The following SPAG16 variants were observed in gnomAD, a reference collection of about 807,000 sequenced individuals.
The protein encoded by SPAG16 is sperm associated antigen 16, also known as sperm-associated antigen 16 protein.
Under a neutral mutation model 80.4 loss-of-function variants are expected in SPAG16, and 86 were observed. The ratio of observed to expected loss-of-function variants is 1.07; its 90% confidence interval spans 0.90 to 1.28. SPAG16 has a LOEUF of 1.28. Ranked by LOEUF, SPAG16 falls within the 50% of genes most tolerant of loss-of-function variation. SPAG16 has a pLI of 0.00. For synonymous variants in SPAG16, 294 were observed against 265.9 expected, an observed-to-expected ratio of 1.11 and a Z score of -1.03; for missense variants, 870 against 765.3, an observed-to-expected ratio of 1.14 and a Z score of -1.61.
chr2:213,993,855 A>G (rs1018214353), intron 12 of SPAG16, among the ~76,000 whole-genome samples: 7 of 152,210 alleles, frequency 4.6e-5, no homozygotes, highest in African/African-American at 1.7e-4. Context: ...GGACATATTT[A>G]TCACCCCATA....
At chr2:213,566,105 T>C (rs952583014) in intron 10 of SPAG16, among the ~76,000 whole-genome samples, 2 of 152,094 alleles carry the variant, frequency 1.3e-5, no homozygotes, top group African/African-American at 4.8e-5. Flanking sequence ...CAAAAATTGA[T>C]AATGATAAAC....
chr2:214,384,765 A>G (rs1700652273), intron 15 of SPAG16, among the ~76,000 whole-genome samples: 1 of 152,230 alleles, frequency 6.6e-6, no homozygotes, highest in Non-Finnish European at 1.5e-5. Flanking sequence ...TCCAAAGCAT[A>G]TGGCTGCTGC....
chr2:214,226,576 G>C (rs761582401), intron 15 of SPAG16, among the ~76,000 whole-genome samples: 5 of 152,000 alleles, frequency 3.3e-5, no homozygotes, highest in Admixed American at 6.6e-5. Context: ...TCCAAATTCT[G>C]ACCTTTTGTT....
rs1912168 is a variant in SPAG16, at chr2:214,208,663, T to C, written c.1720+59397T>C. Among the ~76,000 whole-genome samples the C allele has an allele frequency of 6.5e-3, 980 of 150,234 alleles. 9 individuals are homozygous for C. Among genetic ancestry groups the C allele is most frequent in the Non-Finnish European group, 0.011 (753 of 67,392 alleles). ...AACCCATTTATGCCTGAGGTTGCAA[T>C]TTTTTTTTTAGTTTTTGCAATCAGA... On this transcript the variant is annotated intron_variant, in intron 15 of 15. Coordinates refer to ENST00000331683, the MANE Select transcript of SPAG16 (RefSeq NM_024532.5).
intron 9 of SPAG16, among the ~76,000 whole-genome samples, chr2:213,486,304 G>A (rs532098460): frequency 3.9e-5 from 6 of 152,146 alleles, no homozygotes; most frequent in African/African-American, 1.4e-4. Context: ...TTCCACATAT[G>A]AGTGAGAACA....
At chr2:214,051,661 G>A (rs563392238) in intron 13 of SPAG16, among the ~76,000 whole-genome samples, 25 of 152,168 alleles carry the variant, frequency 1.6e-4, no homozygotes, top group African/African-American at 5.5e-4. Context: ...AACTTTTCTT[G>A]CTCCTAGAGT....
intron 12 of SPAG16, among the ~76,000 whole-genome samples, chr2:213,980,272 CTA>C (rs2045639435): frequency 3.7e-5 from 1 of 26,704 alleles, no homozygotes; most frequent in African/African-American, 3.4e-4. Flanking sequence ...TATATATTCT[CTA>C]TATATATAGA....
At chr2:213,711,486 G>T (rs1322064611) in intron 10 of SPAG16, among the ~76,000 whole-genome samples, 2 of 138,582 alleles carry the variant, frequency 1.4e-5, no homozygotes, top group Non-Finnish European at 1.6e-5. Flanking sequence ...ATATATTTTT[G>T]CCTATAATAA....
At chr2:214,264,960 T>C (rs1487887122) in intron 15 of SPAG16, among the ~76,000 whole-genome samples, 1 of 152,172 alleles carries the variant, frequency 6.6e-6, no homozygotes, top group Non-Finnish European at 1.5e-5. Flanking sequence ...GTTTGATAGA[T>C]CATTTCTTTT....
Position 213,656,614 on chromosome 2 carries a change from G to A in SPAG16, c.1070+166524G>A, listed in dbSNP as rs889386401. On this transcript the variant is annotated intron_variant, in intron 10 of 15. Coordinates refer to ENST00000331683, the MANE Select transcript of SPAG16 (RefSeq NM_024532.5). Reference sequence around the variant, plus strand: ...TCATGTTCATTTTGTTTCACTGGTAGGCAAGGAAGAAACCTAGGCCTTCAG... The same window carrying A: ...TCATGTTCATTTTGTTTCACTGGTAAGCAAGGAAGAAACCTAGGCCTTCAG... 3.3e-5 allele frequency among the ~76,000 whole-genome samples: 5 copies of A among 152,248 alleles called. No individual in the cohort carries two copies. In the East Asian group the frequency reaches 9.6e-4, roughly 29 times the overall value.
chr2:213,920,988 G>C (rs1308411522), intron 11 of SPAG16, among the ~76,000 whole-genome samples: 1 of 152,202 alleles, frequency 6.6e-6, no homozygotes, highest in Non-Finnish European at 1.5e-5. Context: ...GTTGATCCTT[G>C]TCAGTTCAAT....
At chr2:214,381,789 G>T (rs1029672001) in intron 15 of SPAG16, among the ~76,000 whole-genome samples, 5 of 152,134 alleles carry the variant, frequency 3.3e-5, no homozygotes, top group African/African-American at 1.2e-4. Context: ...CAAAGCTAAA[G>T]AAAACAAAAA....
At chr2:214,180,587 GTTAGTGCCA>G (rs142722504) in intron 15 of SPAG16, among the ~76,000 whole-genome samples, 26,893 of 151,282 alleles carry the variant, frequency 0.18, 2,760 homozygotes, top group Non-Finnish European at 0.24. Flanking sequence ...TAAATGACAA[GTTAGTGCCA>G]TAAAAACAAG....
chr2:213,677,475 C>G, intron 10 of SPAG16, among the ~76,000 whole-genome samples: 1 of 151,904 alleles, frequency 6.6e-6, no homozygotes, highest in Non-Finnish European at 1.5e-5. Context: ...ATCCTAGTCT[C>G]TGATAAAACA....
chr2:213,451,934 ACCCCCACC>A (rs1232165521), intron 9 of SPAG16, among the ~76,000 whole-genome samples: 4 of 140,330 alleles, frequency 2.9e-5, no homozygotes, highest in African/African-American at 1.1e-4. Context: ...CCATACCCCG[ACCCCCACC>A]CCATCTCACC....
chr2:213,854,734 G>T (rs959868165), intron 10 of SPAG16, among the ~76,000 whole-genome samples: 3 of 152,222 alleles, frequency 2.0e-5, no homozygotes, highest in African/African-American at 7.2e-5. Flanking sequence ...ATCCAAGAAT[G>T]TCTAGCTAGC....
At chr2:214,335,903 T>C (rs979049999) in intron 15 of SPAG16, among the ~76,000 whole-genome samples, 2 of 151,788 alleles carry the variant, frequency 1.3e-5, no homozygotes, top group Admixed American at 6.6e-5. Flanking sequence ...GGCCTACAGG[T>C]ACCCACCACC....
intron 10 of SPAG16, among the ~76,000 whole-genome samples, chr2:213,506,055 A>G (rs1236484501): frequency 6.6e-6 from 1 of 151,776 alleles, no homozygotes; most frequent in African/African-American, 2.4e-5. Context: ...TCCTATTTGT[A>G]TTAGATATTT....
intron 10 of SPAG16, among the ~76,000 whole-genome samples, chr2:213,861,837 C>T (rs1231246144): frequency 1.3e-5 from 2 of 152,126 alleles, no homozygotes; most frequent in African/African-American, 2.4e-5. Flanking sequence ...TTTCTCATTT[C>T]CCTCTATGCC....
Sources: gnomAD v4.1 joint callset for allele counts (sites outside exome capture counted in the v4.1 genomes callset) on GRCh38, gnomAD v4.1.1 for gene constraint, MANE v1.5 for transcripts, NCBI Gene and HGNC (gene_info 2026-07-23, HGNC 2026-07-21) for gene names.